Variants in VAV2 observed in about 807,000 individuals in gnomAD.
VAV2 encodes the protein vav guanine nucleotide exchange factor 2, also known as guanine nucleotide exchange factor VAV2.
In VAV2, 67 loss-of-function variants were observed where a neutral mutation model predicts 132.5. The ratio of observed to expected loss-of-function variants is 0.51; its 90% CI spans 0.42 to 0.62. The LOEUF is 0.62. Ranked by LOEUF, VAV2 falls within the 20% of genes least tolerant of loss-of-function variation. The pLI is 0.00. For synonymous variants in VAV2, 492 were observed against 443.5 expected, an observed-to-expected ratio of 1.11 and a Z score of -1.37; for missense variants, 938 against 1,153.6, an observed-to-expected ratio of 0.81 and a Z score of 2.71.
intron 1 of VAV2, among the ~76,000 whole-genome samples, chr9:133,971,944 AC>A (rs758969875): frequency 4.6e-5 from 7 of 152,126 alleles, no homozygotes; most frequent in Non-Finnish European, 8.8e-5. Flanking sequence ...AGGGCAGAAA[AC>A]AACCTCAAGG....
intron 2 of VAV2, among the ~76,000 whole-genome samples, chr9:133,868,522 C>A (rs541186966): frequency 7.2e-5 from 11 of 152,296 alleles, no homozygotes; most frequent in African/African-American, 2.6e-4. Flanking sequence ...CAGGGACTCG[C>A]GCACAGCTTG....
chr9:133,797,227 G>A (rs1834754607), intron 10 of VAV2, among the ~76,000 whole-genome samples: 1 of 152,172 alleles, frequency 6.6e-6, no homozygotes, highest in African/African-American at 2.4e-5. Context: ...GATGGATGAG[G>A]GGTGGGTGGC....
chr9:133,852,767 C>T (rs1588269848), intron 3 of VAV2, among the ~76,000 whole-genome samples: 1 of 152,184 alleles, frequency 6.6e-6, no homozygotes, highest in East Asian at 1.9e-4. Flanking sequence ...CTCCTTTACA[C>T]CATCATCCTC....
At chr9:133,896,543 C>T (rs536597205) in intron 2 of VAV2, among the ~76,000 whole-genome samples, 15 of 152,282 alleles carry the variant, frequency 9.9e-5, no homozygotes, top group South Asian at 2.1e-4. Context: ...ACTCTCGCAG[C>T]GTCAGATCTA....
Position 133,857,716 on chromosome 9 carries a change from G to A in VAV2, c.380+3658C>T. On this transcript the variant is annotated intron_variant, in intron 3 of 29. Transcript: ENST00000371850. The surrounding 1 kb of genome is among the most constrained non-coding windows in gnomAD (Gnocchi z 4.0). ...CCGGAGCAAGGTGGGACATTGCTCA[G>A]ACGCAGCCACCAAGTGGGGCTGCCT... is the stretch of plus-strand genomic sequence containing the variant. Among the ~76,000 whole-genome samples the A allele has an allele frequency of 6.6e-6, 1 of 152,238 alleles. No individual in the cohort carries two copies.
At chr9:133,941,654 G>A (rs1841167035) in intron 1 of VAV2, among the ~76,000 whole-genome samples, 2 of 151,310 alleles carry the variant, frequency 1.3e-5, no homozygotes, top group Admixed American at 6.6e-5. Context: ...CCAGGCTGGA[G>A]TGTAATGGTG....
chr9:133,763,994 A>C lies in VAV2; in HGVS notation c.*68T>G. The C allele has an allele frequency of 8.9e-6, 14 of 1,578,866 alleles. No homozygotes were observed. Among genetic ancestry groups the C allele is most frequent in the African/African-American group, 1.3e-5 (1 of 74,284 alleles). On this transcript the variant is annotated 3_prime_UTR_variant, in exon 30 of 30. Transcript: ENST00000371850. This position sits in a 1 kb window ranked among gnomAD's most constrained non-coding sequence, Gnocchi z 6.8. ...TTCCCCTCTGAGTCACAGAGGAGCT[A>C]GAGACAGACTTCAGGGCTGGAGTGA...
At position 133,824,816 on chromosome 9, in the gene VAV2, C is replaced by T. The variant is rs113633163; in HGVS notation, c.449+9456G>A. Among the ~76,000 whole-genome samples the T allele has an allele frequency of 3.1e-3, 472 of 152,290 alleles. 2 individuals are homozygous for T. Among genetic ancestry groups the T allele is most frequent in the African/African-American group, 0.011 (448 of 41,570 alleles). On this transcript the variant is annotated intron_variant, in intron 4 of 29. Coordinates refer to ENST00000371850, the MANE Select transcript of VAV2 (RefSeq NM_001134398.2). The surrounding 1 kb of genome is among the most constrained non-coding windows in gnomAD (Gnocchi z 5.2). ...TGCAGCTCTGCCCCCTAGTTCTGTACGACTCTGACCAGGTGCCTTCCTCTC... is the reference window on the plus strand; with the variant it reads ...TGCAGCTCTGCCCCCTAGTTCTGTATGACTCTGACCAGGTGCCTTCCTCTC...
At chr9:133,901,480 C>T (rs113975541) in intron 2 of VAV2, among the ~76,000 whole-genome samples, 14 of 152,356 alleles carry the variant, frequency 9.2e-5, no homozygotes, top group African/African-American at 1.4e-4. Flanking sequence ...GGGAGCCTGT[C>T]GGGAGAGCCA....
chr9:133,763,659 C>A lies in VAV2; in HGVS notation c.*403G>T. 4.7e-6 allele frequency: 1 copy of A among 211,718 alleles called. No individual in the cohort carries two copies. Among genetic ancestry groups the A allele is most frequent in the Non-Finnish European group, 9.6e-6 (1 of 104,304 alleles). 13.1% of individuals were successfully genotyped at this position (211,718 alleles called of 1,614,324 possible). A position where few individuals can be genotyped will look rare whatever the true frequency, so the allele number is the denominator to read the frequency against. The stretch of plus-strand genomic sequence containing the variant: ...CTGAGCAGAGGGTGTGGGGGCAGGT[C>A]CCCTCCGATGTCCCTAGCCCTTCCT... On this transcript the variant is annotated 3_prime_UTR_variant, in exon 30 of 30. Coordinates refer to ENST00000371850, the MANE Select transcript of VAV2 (RefSeq NM_001134398.2). The surrounding 1 kb of genome is among the most constrained non-coding windows in gnomAD (Gnocchi z 6.8).
chr9:133,764,261 T>G, intron 29 of VAV2, 152 bp from the exon 30 acceptor site: 1 of 958,882 alleles, frequency 1.0e-6, no homozygotes, highest in Non-Finnish European at 1.6e-6. Context: ...GGTGGAACCA[T>G]TGCCTGGGAG....
chr9:133,815,607 C>G (rs1242057985), intron 4 of VAV2, among the ~76,000 whole-genome samples: 1 of 152,194 alleles, frequency 6.6e-6, no homozygotes, highest in Non-Finnish European at 1.5e-5. Flanking sequence ...TGAGACACAT[C>G]CATTCTGACT....
At chr9:133,902,016 G>A (rs913054601) in intron 2 of VAV2, among the ~76,000 whole-genome samples, 2 of 152,094 alleles carry the variant, frequency 1.3e-5, no homozygotes, top group African/African-American at 4.8e-5. Context: ...TGGATGCTCC[G>A]AGCCTCCATG....
rs548945083 is a variant in VAV2, at chr9:133,815,278, C to T, written c.450-3062G>A. On this transcript the variant is annotated intron_variant, in intron 4 of 29. Transcript: ENST00000371850. ...GTCCACGTCTGTGTAGCACCCGCTG[C>T]GTCTGAAGCTTGGTGAGAAATGCCA... 2.0e-4 allele frequency among the ~76,000 whole-genome samples: 31 copies of T among 152,174 alleles called. No homozygotes were observed. In the South Asian group the frequency reaches 6.2e-3, roughly 31 times the overall value.
intron 2 of VAV2, among the ~76,000 whole-genome samples, chr9:133,905,060 C>T (rs908226786): frequency 1.3e-5 from 2 of 152,080 alleles, no homozygotes; most frequent in African/African-American, 2.4e-5. Flanking sequence ...TCTCCCAGGG[C>T]GGGGGGCTCT....
At chr9:133,847,306 C>T (rs1288067311) in intron 3 of VAV2, among the ~76,000 whole-genome samples, 1 of 152,224 alleles carries the variant, frequency 6.6e-6, no homozygotes, top group African/African-American at 2.4e-5. Context: ...TAGCAGAAAA[C>T]CCAGGACCCC....
rs146714329 is a variant in VAV2, at chr9:133,830,429, C to T, written c.449+3843G>A. On this transcript the variant is annotated intron_variant, in intron 4 of 29. Transcript: ENST00000371850. ...CATGGAGGCGGTGACCCTCGTATCG[C>T]TCATACCATTCTCATGATAGTGAGT... Among the ~76,000 whole-genome samples, 6 of 152,282 alleles carry T rather than the reference C, an allele frequency of 3.9e-5. No homozygotes were observed. In the East Asian group the frequency reaches 7.7e-4, roughly 20 times the overall value.
At chr9:133,959,838 C>T (rs942561298) in intron 1 of VAV2, among the ~76,000 whole-genome samples, 1 of 152,160 alleles carries the variant, frequency 6.6e-6, no homozygotes. Context: ...GGCCCAGAGC[C>T]GCAGGAGGTG....
At chr9:133,780,046 A>C in intron 20 of VAV2, 107 bp from the exon 21 acceptor site, 3 of 1,480,636 alleles carry the variant, frequency 2.0e-6, no homozygotes, top group Non-Finnish European at 2.8e-6. Flanking sequence ...TCCTAGATAG[A>C]GGGGTCAAGG....
Sources: gnomAD v4.1 joint callset for allele counts (sites outside exome capture counted in the v4.1 genomes callset) on GRCh38, gnomAD v4.1.1 for gene constraint, Gnocchi (gnomAD v3.1) non-coding constraint, MANE v1.5 for transcripts, NCBI Gene and HGNC (gene_info 2026-07-23, HGNC 2026-07-21) for gene names.